CACNA2D3: variants seen among roughly 807,000 people sequenced by gnomAD.
The protein encoded by CACNA2D3 is voltage-dependent calcium channel subunit alpha-2/delta-3.
CACNA2D3 carries 60 observed loss-of-function variants against 160.6 expected under a neutral mutation model. That is an observed-to-expected ratio of 0.37 (90% confidence interval 0.30 to 0.46). CACNA2D3 has a LOEUF of 0.46. Ranked by LOEUF, CACNA2D3 falls within the 20% of genes least tolerant of loss-of-function variation. The probability of loss-of-function intolerance (pLI) is 1.00; values close to 1 mark genes in which losing one functional copy is unlikely to be tolerated. For missense variants in CACNA2D3, 1,205 were observed against 1,365.0 expected, an observed-to-expected ratio of 0.88 and a Z score of 1.85; for synonymous variants, 558 against 492.9, an observed-to-expected ratio of 1.13 and a Z score of -1.75.
At chr3:54,806,477 C>G (rs1703129810) in intron 13 of CACNA2D3, among the ~76,000 whole-genome samples, 1 of 151,948 alleles carries the variant, frequency 6.6e-6, no homozygotes, top group South Asian at 2.1e-4. Context: ...AATAAAATAC[C>G]TAGGAATCCA....
At chr3:54,534,523 G>A (rs762268104) in intron 5 of CACNA2D3, among the ~76,000 whole-genome samples, 21 of 151,772 alleles carry the variant, frequency 1.4e-4, no homozygotes, top group Non-Finnish European at 2.2e-4. Flanking sequence ...AGCCTTTCCC[G>A]CTGTAATGGT....
chr3:54,687,894 C>G (rs1700499648), intron 11 of CACNA2D3, among the ~76,000 whole-genome samples: 1 of 152,198 alleles, frequency 6.6e-6, no homozygotes, highest in Non-Finnish European at 1.5e-5. Context: ...CTTCTGCATA[C>G]AGACTTCAGA....
At chr3:54,942,888 G>A (rs9839714) in intron 27 of CACNA2D3, among the ~76,000 whole-genome samples, 2,332 of 152,248 alleles carry the variant, frequency 0.015, 69 homozygotes, top group African/African-American at 0.053. Flanking sequence ...GCCAGGCGCG[G>A]TGGCACGTGC....
chr3:54,713,594 AG>A (rs1022004551), intron 11 of CACNA2D3, among the ~76,000 whole-genome samples: 1 of 152,270 alleles, frequency 6.6e-6, no homozygotes, highest in Admixed American at 6.5e-5. Flanking sequence ...CCCATTTGTA[AG>A]ATGTGGATAA....
chr3:55,004,864 A>T, intron 32 of CACNA2D3, 26 bp downstream of exon 32: 1 of 1,530,648 alleles, frequency 6.5e-7, no homozygotes, highest in Non-Finnish European at 9.1e-7. Context: ...TCACTCAGAA[A>T]ACAGCCACAC....
intron 2 of CACNA2D3, among the ~76,000 whole-genome samples, chr3:54,296,396 C>T (rs1703343779): frequency 6.6e-6 from 1 of 152,210 alleles, no homozygotes; most frequent in African/African-American, 2.4e-5. Context: ...TCACCCTTGG[C>T]TTCCATCACA....
At chr3:54,963,483 A>G (rs2107054003) in intron 27 of CACNA2D3, among the ~76,000 whole-genome samples, 2 of 152,356 alleles carry the variant, frequency 1.3e-5, no homozygotes, top group African/African-American at 4.8e-5. Context: ...TAACTAGTGC[A>G]ACTAAGGAAC....
Position 54,262,469 on chromosome 3 carries a change from T to C in CACNA2D3, c.205-57973T>C, listed in dbSNP as rs371181166. On this transcript the variant is annotated intron_variant, in intron 2 of 37. Transcript: ENST00000474759. ...CTCTGCATCACAAATATCTATAATT[T>C]AAACATGCTGGTTAAAACTCAGACT... Among the ~76,000 whole-genome samples, 7 of 152,324 alleles carry C rather than the reference T, an allele frequency of 4.6e-5. 1 individual carries two copies. Among genetic ancestry groups the C allele is most frequent in the Admixed American group, 2.6e-4 (4 of 15,292 alleles).
intron 17 of CACNA2D3, among the ~76,000 whole-genome samples, chr3:54,865,238 C>T (rs181534742): frequency 1.2e-4 from 19 of 152,282 alleles, no homozygotes; most frequent in Admixed American, 1.2e-3. Context: ...GTGCCGACGC[C>T]GGTGTGGTGT....
At chr3:54,888,418 A>T (rs988714976) in intron 24 of CACNA2D3, among the ~76,000 whole-genome samples, 28 of 152,080 alleles carry the variant, frequency 1.8e-4, no homozygotes, top group African/African-American at 6.5e-4. Flanking sequence ...TGTGAGTAGG[A>T]TGGAGAAGTG....
intron 29 of CACNA2D3, among the ~76,000 whole-genome samples, chr3:54,983,722 A>G (rs3773582): frequency 0.18 from 26,926 of 152,208 alleles, 2,705 homozygotes; most frequent in East Asian, 0.31. Context: ...GTCCCAGAAA[A>G]CATCAGCCCC....
chr3:54,887,017 T>G (rs1186116730), intron 23 of CACNA2D3, among the ~76,000 whole-genome samples: 1 of 148,574 alleles, frequency 6.7e-6, no homozygotes, highest in African/African-American at 2.5e-5. Context: ...GCAGAGTGAT[T>G]TGAAAACTCT....
At chr3:54,414,528 G>C (rs1313056693) in intron 4 of CACNA2D3, among the ~76,000 whole-genome samples, 1 of 152,096 alleles carries the variant, frequency 6.6e-6, no homozygotes, top group African/African-American at 2.4e-5. Flanking sequence ...CCTGTGCAAA[G>C]TTACCACGTT....
intron 2 of CACNA2D3, among the ~76,000 whole-genome samples, chr3:54,256,720 T>C (rs1357752833): frequency 6.9e-6 from 1 of 145,840 alleles, no homozygotes; most frequent in Non-Finnish European, 1.5e-5. Flanking sequence ...CATGTTCTTC[T>C]CTTGTCAAGA....
intron 16 of CACNA2D3, among the ~76,000 whole-genome samples, chr3:54,846,119 G>A (rs1240484108): frequency 2.0e-5 from 3 of 152,086 alleles, no homozygotes; most frequent in Non-Finnish European, 4.4e-5. Flanking sequence ...TAATTGTTTT[G>A]TTTTAAATAA....
At chr3:54,883,215 G>A (rs1699842629) in intron 21 of CACNA2D3, among the ~76,000 whole-genome samples, 1 of 152,054 alleles carries the variant, frequency 6.6e-6, no homozygotes, top group Admixed American at 6.6e-5. Flanking sequence ...GTAGAGACAG[G>A]GTTTCACCAT....
chr3:54,583,529 A>G (rs750963624), intron 9 of CACNA2D3, among the ~76,000 whole-genome samples: 6 of 152,158 alleles, frequency 3.9e-5, no homozygotes, highest in Non-Finnish European at 7.4e-5. Context: ...CCTTATCTAA[A>G]ATGGTTGGGA....
chr3:55,014,086 G>A (rs188805891), intron 34 of CACNA2D3, among the ~76,000 whole-genome samples: 168 of 152,272 alleles, frequency 1.1e-3, no homozygotes, highest in African/African-American at 3.8e-3. Flanking sequence ...CCTTGGGCAC[G>A]TGTCTTCGTT....
At chr3:54,189,229 G>A (rs762413010) in intron 2 of CACNA2D3, among the ~76,000 whole-genome samples, 3 of 152,226 alleles carry the variant, frequency 2.0e-5, no homozygotes, top group Non-Finnish European at 4.4e-5. Flanking sequence ...GGGACCCAGT[G>A]TGGGGAGTCA....
Sources: allele counts gnomAD v4.1 joint callset (sites outside exome capture counted in the v4.1 genomes callset), GRCh38; gene constraint gnomAD v4.1.1; transcripts MANE v1.5; gene names NCBI Gene and HGNC (gene_info 2026-07-23, HGNC 2026-07-21).